Variants in CTNNA3 observed in about 807,000 individuals in gnomAD.
CTNNA3 encodes catenin alpha 3, also known as catenin alpha-3.
In CTNNA3, 76 loss-of-function variants were observed where a neutral mutation model predicts 95.7. The observed-to-expected ratio is 0.79, with a 90% CI of 0.66 to 0.96. CTNNA3 has a LOEUF of 0.96. Ranked by LOEUF, CTNNA3 falls within the 40% of genes least tolerant of loss-of-function variation. CTNNA3 has a pLI of 0.00. For missense variants in CTNNA3, 1,191 were observed against 1,089.8 expected (o/e 1.09, Z -1.31); for synonymous variants, 431 against 374.4 (o/e 1.15, Z -1.74).
chr10:65,957,489 G>T (rs1362897711), intron 17 of CTNNA3, among the ~76,000 whole-genome samples: 1 of 152,168 alleles, frequency 6.6e-6, no homozygotes, highest in African/African-American at 2.4e-5. Context: ...TAGCCTCGAT[G>T]GTCTTTACAA....
chr10:66,812,375 T>C (rs915642453), intron 7 of CTNNA3, among the ~76,000 whole-genome samples: 4 of 152,164 alleles, frequency 2.6e-5, no homozygotes, highest in African/African-American at 9.6e-5. Context: ...TTGACACAAA[T>C]ACAATTACAT....
At chr10:67,623,902 C>T (rs1291857573) in intron 2 of CTNNA3, among the ~76,000 whole-genome samples, 15 of 151,984 alleles carry the variant, frequency 9.9e-5, no homozygotes, top group African/African-American at 1.7e-4. Flanking sequence ...CTGCAACCTC[C>T]GTCTCCCAGG....
At chr10:66,599,068 T>C (rs1843824412) in intron 10 of CTNNA3, among the ~76,000 whole-genome samples, 1 of 151,970 alleles carries the variant, frequency 6.6e-6, no homozygotes, top group Non-Finnish European at 1.5e-5. Context: ...TGGAATAGAT[T>C]AGAGACCCCA....
At chr10:67,429,939 C>T (rs7917035) in intron 5 of CTNNA3, among the ~76,000 whole-genome samples, 19,296 of 151,946 alleles carry the variant, frequency 0.13, 1,601 homozygotes, top group East Asian at 0.35. Flanking sequence ...TCTCACTCGA[C>T]ACAAACCAAA....
At chr10:66,845,729 A>AAAAAAAAAAAAAAAAAAAAAAC (rs1297933220) in intron 7 of CTNNA3, among the ~76,000 whole-genome samples, 20 of 87,764 alleles carry the variant, frequency 2.3e-4, no homozygotes, top group Non-Finnish European at 4.1e-4. Context: ...AAAAAAAAAA[A>AAAAAAAAAAAAAAAAAAAAAAC]CTAAAAAGGT....
intron 7 of CTNNA3, among the ~76,000 whole-genome samples, chr10:66,839,959 TG>T (rs1283798028): frequency 6.6e-6 from 1 of 152,178 alleles, no homozygotes; most frequent in African/African-American, 2.4e-5. Context: ...GTATCTGATT[TG>T]GGGTGGTAGG....
intron 5 of CTNNA3, among the ~76,000 whole-genome samples, chr10:67,393,308 G>T (rs1443190395): frequency 6.6e-6 from 1 of 151,770 alleles, no homozygotes; most frequent in Non-Finnish European, 1.5e-5. Flanking sequence ...TGTGGCAAAG[G>T]GCCCTTGCTC....
chr10:67,247,906 T>C (rs1437611074), intron 5 of CTNNA3, among the ~76,000 whole-genome samples: 1 of 152,214 alleles, frequency 6.6e-6, no homozygotes, highest in Non-Finnish European at 1.5e-5. Flanking sequence ...GACAGTGTGT[T>C]ACAATCATAA....
At chr10:67,450,404 G>T (rs1021931393) in intron 5 of CTNNA3, among the ~76,000 whole-genome samples, 1 of 152,052 alleles carries the variant, frequency 6.6e-6, no homozygotes, top group African/African-American at 2.4e-5. Flanking sequence ...CGGTAGGCTG[G>T]ATAAAGAAAA....
At chr10:66,880,775 T>C (rs1449748255) in intron 7 of CTNNA3, among the ~76,000 whole-genome samples, 1 of 152,092 alleles carries the variant, frequency 6.6e-6, no homozygotes, top group African/African-American at 2.4e-5. Context: ...TTTCTTTTGC[T>C]CATAGCAAAT....
intron 15 of CTNNA3, among the ~76,000 whole-genome samples, chr10:65,998,762 T>C (rs1251594727): frequency 6.6e-6 from 1 of 152,130 alleles, no homozygotes; most frequent in Non-Finnish European, 1.5e-5. Context: ...TAATATTAAA[T>C]CCAATAAGAT....
intron 11 of CTNNA3, among the ~76,000 whole-genome samples, chr10:66,429,266 C>T (rs1488930186): frequency 6.6e-6 from 1 of 152,078 alleles, no homozygotes; most frequent in East Asian, 1.9e-4. Flanking sequence ...TAATTAATAG[C>T]TTACCAACAA....
chr10:66,328,877 T>G (rs2092288049), intron 12 of CTNNA3, among the ~76,000 whole-genome samples: 1 of 127,118 alleles, frequency 7.9e-6, no homozygotes, highest in Non-Finnish European at 1.7e-5. Flanking sequence ...AAAAGAGGGA[T>G]AAATTCATAC....
At chr10:67,497,888 G>C (rs1839082016) in intron 5 of CTNNA3, among the ~76,000 whole-genome samples, 1 of 152,154 alleles carries the variant, frequency 6.6e-6, no homozygotes, top group Non-Finnish European at 1.5e-5. Context: ...TGGGTTGCCT[G>C]TTCACTCTGA....
chr10:66,241,982 A>G (rs1008698513), intron 13 of CTNNA3, among the ~76,000 whole-genome samples: 3 of 152,114 alleles, frequency 2.0e-5, no homozygotes, highest in Non-Finnish European at 4.4e-5. Flanking sequence ...ATTTAGGACA[A>G]GACTGCTATG....
intron 11 of CTNNA3, among the ~76,000 whole-genome samples, chr10:66,512,853 G>C (rs1840709900): frequency 6.6e-6 from 1 of 152,036 alleles, no homozygotes; most frequent in African/African-American, 2.4e-5. Context: ...TAGCTTGTAA[G>C]TTTCTTCTGA....
intron 7 of CTNNA3, among the ~76,000 whole-genome samples, chr10:67,010,211 T>C (rs1852232735): frequency 6.6e-6 from 1 of 152,176 alleles, no homozygotes; most frequent in Admixed American, 6.5e-5. Context: ...TACATATTGT[T>C]CTTTAGAAAA....
At chr10:66,015,195 T>G (rs1414912998) in intron 15 of CTNNA3, among the ~76,000 whole-genome samples, 2 of 152,102 alleles carry the variant, frequency 1.3e-5, no homozygotes, top group African/African-American at 4.8e-5. Context: ...TGCTAAATGA[T>G]TTTTAAAAAT....
At chr10:67,562,768 G>A (rs1445866013) in intron 3 of CTNNA3, among the ~76,000 whole-genome samples, 1 of 152,152 alleles carries the variant, frequency 6.6e-6, no homozygotes, top group African/African-American at 2.4e-5. Context: ...ATCTCCTTAA[G>A]CTGATAAGCA....
Sources: allele counts gnomAD v4.1 joint callset (sites outside exome capture counted in the v4.1 genomes callset), GRCh38; gene constraint gnomAD v4.1.1; transcripts MANE v1.5; gene names NCBI Gene and HGNC (gene_info 2026-07-23, HGNC 2026-07-21).